The following TMEM108 variants were observed in gnomAD, a reference collection of about 807,000 sequenced individuals.
TMEM108 encodes the protein cancer/testis antigen 124.
In TMEM108, 12 loss-of-function variants were observed where a neutral mutation model predicts 35.1. The ratio of observed to expected loss-of-function variants is 0.34; its 90% CI spans 0.22 to 0.55. TMEM108 has a LOEUF of 0.55. Ranked by LOEUF, TMEM108 falls within the 20% of genes least tolerant of loss-of-function variation. The pLI, the probability that TMEM108 is intolerant of heterozygous loss-of-function variation, is 0.89. For missense variants in TMEM108, 680 were observed against 753.3 expected (o/e 0.90, Z 1.14); for synonymous variants, 287 against 308.6 (o/e 0.93, Z 0.73).
chr3:133,272,006 A>G (rs1946777463), intron 3 of TMEM108, among the ~76,000 whole-genome samples: 1 of 152,146 alleles, frequency 6.6e-6, no homozygotes, highest in Admixed American at 6.5e-5. Context: ...AATGCATTTA[A>G]ATTATGTTTT....
chr3:133,155,269 A>G (rs1285882378), intron 2 of TMEM108, among the ~76,000 whole-genome samples: 1 of 152,118 alleles, frequency 6.6e-6, no homozygotes, highest in East Asian at 1.9e-4. Flanking sequence ...GTTGTTGGCT[A>G]TCTAGGTTGA....
intron 4 of TMEM108, among the ~76,000 whole-genome samples, chr3:133,383,791 C>A (rs186446133): frequency 3.8e-4 from 58 of 152,320 alleles, no homozygotes; most frequent in Admixed American, 1.0e-3. Context: ...AAGAAAGACA[C>A]AAACTTTTAA....
At chr3:133,374,567 C>T (rs1300821554) in intron 3 of TMEM108, among the ~76,000 whole-genome samples, 46 of 147,354 alleles carry the variant, frequency 3.1e-4, no homozygotes, top group African/African-American at 1.1e-3. Flanking sequence ...TATATATACA[C>T]ACACACACAT....
chr3:133,161,399 C>G (rs937047402), intron 2 of TMEM108, among the ~76,000 whole-genome samples: 1 of 152,272 alleles, frequency 6.6e-6, no homozygotes, highest in South Asian at 2.1e-4. Flanking sequence ...TCTCTGTACT[C>G]TCCTTAGAAA....
At chr3:133,098,529 C>T (rs1944045630) in intron 2 of TMEM108, among the ~76,000 whole-genome samples, 1 of 152,168 alleles carries the variant, frequency 6.6e-6, no homozygotes, top group Admixed American at 6.5e-5. Flanking sequence ...AGCATTAACC[C>T]AAAAGTCCAC....
intron 2 of TMEM108, among the ~76,000 whole-genome samples, chr3:133,091,657 A>G (rs1386126333): frequency 2.6e-5 from 4 of 152,218 alleles, no homozygotes; most frequent in African/African-American, 9.6e-5. Flanking sequence ...TACTTATTCA[A>G]ATACTTTGGC....
At chr3:133,153,799 A>G (rs983153768) in intron 2 of TMEM108, among the ~76,000 whole-genome samples, 2 of 152,168 alleles carry the variant, frequency 1.3e-5, no homozygotes, top group Admixed American at 6.6e-5. Flanking sequence ...AAGTCTGCAA[A>G]TGGGCAATGG....
intron 3 of TMEM108, among the ~76,000 whole-genome samples, chr3:133,329,518 T>A (rs1272396344): frequency 6.6e-6 from 1 of 152,100 alleles, no homozygotes; most frequent in Non-Finnish European, 1.5e-5. Flanking sequence ...AAGGGGGAAA[T>A]CCTGGGAGTG....
intron 3 of TMEM108, among the ~76,000 whole-genome samples, chr3:133,374,702 T>C (rs1412656205): frequency 1.3e-5 from 2 of 152,090 alleles, no homozygotes; most frequent in Non-Finnish European, 2.9e-5. Context: ...ATTGTACTAC[T>C]ACAAGCTCCC....
In TMEM108 at chr3:133,229,247, T is replaced by TCTTCTCCCAATTTC. The variant is rs1222298114; in HGVS notation, c.-46-16_-46-3dup. On this transcript the variant is annotated intron_variant, in intron 2 of 5. Coordinates refer to ENST00000321871, the MANE Select transcript of TMEM108 (RefSeq NM_023943.4). The stretch of plus-strand genomic sequence containing the variant: ...TTATGTTCCTCAGATGTAACAATTT[T>TCTTCTCCCAATTTC]CTTCTCCCAATTTCCTAGACAGAAT... 6.6e-7 allele frequency: 1 copy of TCTTCTCCCAATTTC among 1,524,982 alleles called. No individual in the cohort carries two copies. Among genetic ancestry groups the TCTTCTCCCAATTTC allele is most frequent in the Non-Finnish European group, 9.0e-7 (1 of 1,109,378 alleles). 94.5% of individuals were successfully genotyped at this position (1,524,982 alleles called of 1,614,324 possible). A position where few individuals can be genotyped will look rare whatever the true frequency, so the allele number is the denominator to read the frequency against.
rs371948680 is a variant in TMEM108, at chr3:133,096,236, G to A, written c.-47+50216G>A. On this transcript the variant is annotated intron_variant, in intron 2 of 5. Transcript: ENST00000321871. ...TGCAGTGGCACAATCATGGCTCACTGCAGCCTTGAATTCCTGGGTGCAAAT... is the reference window on the plus strand; with the variant it reads ...TGCAGTGGCACAATCATGGCTCACTACAGCCTTGAATTCCTGGGTGCAAAT... Among the ~76,000 whole-genome samples the A allele has an allele frequency of 1.2e-4, 19 of 152,286 alleles. No homozygotes were observed. In the East Asian group the frequency reaches 2.1e-3, roughly 17 times the overall value.
chr3:133,292,002 T>C (rs1316425635), intron 3 of TMEM108, among the ~76,000 whole-genome samples: 4 of 152,112 alleles, frequency 2.6e-5, no homozygotes, highest in African/African-American at 9.7e-5. Flanking sequence ...ATACATCCCC[T>C]CAGGAGCTTG....
intron 3 of TMEM108, among the ~76,000 whole-genome samples, chr3:133,326,234 G>A (rs957489207): frequency 1.3e-5 from 2 of 152,118 alleles, no homozygotes; most frequent in Non-Finnish European, 2.9e-5. Context: ...CAGTCTAATG[G>A]TCAAAACACA....
chr3:133,124,250 A>G (rs1038910499), intron 2 of TMEM108, among the ~76,000 whole-genome samples: 1 of 152,228 alleles, frequency 6.6e-6, no homozygotes, highest in Non-Finnish European at 1.5e-5. Context: ...TGAAGAAACT[A>G]CAATCTGTAA....
At chr3:133,047,809 T>C (rs2107672768) in intron 2 of TMEM108, among the ~76,000 whole-genome samples, 1 of 152,334 alleles carries the variant, frequency 6.6e-6, no homozygotes. Context: ...TATACACACA[T>C]AAATAGCTAA....
intron 2 of TMEM108, among the ~76,000 whole-genome samples, chr3:133,222,312 C>T (rs976233623): frequency 6.6e-6 from 1 of 151,780 alleles, no homozygotes; most frequent in Non-Finnish European, 1.5e-5. Context: ...ATGTTATTTG[C>T]TTCTTTTCTC....
chr3:133,354,645 T>C (rs2072107096), intron 3 of TMEM108, among the ~76,000 whole-genome samples: 1 of 152,082 alleles, frequency 6.6e-6, no homozygotes, highest in East Asian at 1.9e-4. Context: ...AGGTTGGCCA[T>C]ATAGCAGGGT....
At chr3:133,051,515 A>G (rs952760138) in intron 2 of TMEM108, among the ~76,000 whole-genome samples, 1 of 152,146 alleles carries the variant, frequency 6.6e-6, no homozygotes, top group African/African-American at 2.4e-5. Flanking sequence ...TTTGAATTAT[A>G]AAGAAGCCCA....
chr3:133,104,214 T>C (rs1385889617), intron 2 of TMEM108, among the ~76,000 whole-genome samples: 1 of 152,120 alleles, frequency 6.6e-6, no homozygotes, highest in Non-Finnish European at 1.5e-5. Flanking sequence ...ATGCAAAACT[T>C]AGGGGGTTAT....
Sources: gnomAD v4.1 joint callset for allele counts (sites outside exome capture counted in the v4.1 genomes callset) on GRCh38, gnomAD v4.1.1 for gene constraint, MANE v1.5 for transcripts, NCBI Gene and HGNC (gene_info 2026-07-23, HGNC 2026-07-21) for gene names.